The following DAB1 variants were observed in gnomAD, a reference collection of about 807,000 sequenced individuals.
DAB1 encodes disabled homolog 1.
In DAB1, 15 loss-of-function variants were observed where a neutral mutation model predicts 64.6. The observed-to-expected ratio is 0.23, with a 90% CI of 0.16 to 0.36. The LOEUF (loss-of-function observed/expected upper bound fraction) is 0.36. Ranked by LOEUF, DAB1 falls within the 10% of genes least tolerant of loss-of-function variation. The probability of loss-of-function intolerance (pLI) is 1.00; values close to 1 mark genes in which losing one functional copy is unlikely to be tolerated. For missense variants in DAB1, 596 were observed against 706.7 expected (o/e 0.84, Z 1.78); for synonymous variants, 235 against 251.9 (o/e 0.93, Z 0.64).
intron 2 of DAB1, among the ~76,000 whole-genome samples, chr1:57,200,526 C>T (rs927232724): frequency 2.1e-4 from 32 of 152,196 alleles, no homozygotes; most frequent in Non-Finnish European, 4.7e-4. Context: ...GAACCTGCTG[C>T]TTCCCATTCT....
intron 2 of DAB1, among the ~76,000 whole-genome samples, chr1:57,182,690 G>A (rs563405793): frequency 3.9e-5 from 6 of 152,280 alleles, no homozygotes; most frequent in South Asian, 2.1e-4. Flanking sequence ...CAGTCTCGGG[G>A]TAAGGAAAGG....
intron 3 of DAB1, among the ~76,000 whole-genome samples, chr1:58,436,635 G>T (rs1032009387): frequency 2.0e-5 from 3 of 152,110 alleles, no homozygotes; most frequent in Non-Finnish European, 4.4e-5. Flanking sequence ...CTCCTTTTGG[G>T]TAAAGGTTCA....
chr1:57,489,204 G>T (rs1644131106), intron 7 of DAB1, among the ~76,000 whole-genome samples: 1 of 152,166 alleles, frequency 6.6e-6, no homozygotes, highest in Non-Finnish European at 1.5e-5. Context: ...CAAGCTTTCA[G>T]ATCTGCACAG....
At chr1:57,445,536 AGT>A (rs1172104842) in intron 7 of DAB1, among the ~76,000 whole-genome samples, 1 of 152,202 alleles carries the variant, frequency 6.6e-6, no homozygotes, top group African/African-American at 2.4e-5. Flanking sequence ...TAAACTAGTT[AGT>A]GTGTGTAGGT....
In DAB1 at chr1:56,997,672, G is replaced by T; in HGVS notation, c.*472C>A. ...GGATGACGATATTGTGGTCACAGAA[G>T]ACCCTTTGCTTTTGCTTAAAGAAGT... On this transcript the variant is annotated 3_prime_UTR_variant, in exon 15 of 15. Coordinates refer to ENST00000371236, the MANE Select transcript of DAB1 (RefSeq NM_001365792.1). 1 of 152,146 alleles carries T rather than the reference G, an allele frequency of 6.6e-6. No individual in the cohort carries two copies. Among genetic ancestry groups the T allele is most frequent in the Non-Finnish European group, 1.5e-5 (1 of 68,030 alleles). The allele number at this position is 152,146 out of a possible 1,614,324, so 9.4% of individuals were successfully genotyped here. A position where few individuals can be genotyped will look rare whatever the true frequency, so the allele number is the denominator to read the frequency against.
chr1:57,279,145 G>GT (rs1217589532), intron 2 of DAB1, among the ~76,000 whole-genome samples: 1 of 152,090 alleles, frequency 6.6e-6, no homozygotes, highest in African/African-American at 2.4e-5. Flanking sequence ...TAGAAATGAT[G>GT]TTTTCCTTTA....
At chr1:57,747,981 A>G (rs1648367712) in intron 6 of DAB1, among the ~76,000 whole-genome samples, 1 of 152,108 alleles carries the variant, frequency 6.6e-6, no homozygotes, top group South Asian at 2.1e-4. Flanking sequence ...AGGACTTGGT[A>G]AAGCATGGTC....
chr1:57,092,091 A>G (rs993791209), intron 4 of DAB1, among the ~76,000 whole-genome samples: 3 of 152,210 alleles, frequency 2.0e-5, no homozygotes, highest in Admixed American at 2.0e-4. Flanking sequence ...CTAGAATAAG[A>G]AAGTGCAGCT....
At chr1:57,100,869 A>G (rs1654620228) in intron 4 of DAB1, among the ~76,000 whole-genome samples, 1 of 152,188 alleles carries the variant, frequency 6.6e-6, no homozygotes, top group Admixed American at 6.5e-5. Context: ...GAGGCAGGAG[A>G]GAAAAGCAGA....
chr1:57,603,217 C>T (rs1451005086), intron 7 of DAB1, among the ~76,000 whole-genome samples: 1 of 152,170 alleles, frequency 6.6e-6, no homozygotes, highest in Non-Finnish European at 1.5e-5. Context: ...AGGTGATCCG[C>T]CTGCCTCAGC....
rs1491558909 is a variant in DAB1, at chr1:58,071,407, G to GTGTGT, written n.387+79103_387+79104insACACA. 2.4e-3 allele frequency: 259 copies of GTGTGT among 106,188 alleles called. 1 individual carries two copies. Among genetic ancestry groups the GTGTGT allele is most frequent in the Non-Finnish European group, 3.1e-3 (164 of 52,336 alleles). The allele number at this position is 106,188 out of a possible 1,614,324, so 6.6% of individuals were successfully genotyped here. A position where few individuals can be genotyped will look rare whatever the true frequency, so the allele number is the denominator to read the frequency against. Reference sequence around the variant, plus strand: ...GTGTGTGTGTGTGTGTGTGTGTGTGGGTGGGGAGAGACTGAAGTTCCCGCT... The same window carrying GTGTGT: ...GTGTGTGTGTGTGTGTGTGTGTGTGGTGTGTGTGGGGAGAGACTGAAGTTCCCGCT... On this transcript the variant is annotated intron_variant and non_coding_transcript_variant, in intron 5 of 20. Coordinates refer to the DAB1 transcript ENST00000485760.
intron 1 of DAB1, among the ~76,000 whole-genome samples, chr1:57,338,352 G>A (rs1677275401): frequency 6.6e-6 from 1 of 152,052 alleles, no homozygotes. Flanking sequence ...GAAAGACAGA[G>A]TTTTCCCTGA....
intron 1 of DAB1, among the ~76,000 whole-genome samples, chr1:57,421,905 G>GGC (rs1684924169): frequency 1.0e-5 from 1 of 100,432 alleles, no homozygotes; most frequent in African/African-American, 4.0e-5. Context: ...GGGGTGGCGG[G>GGC]GGGGGGGGTG....
chr1:58,237,012 T>C (rs540796153), intron 4 of DAB1, among the ~76,000 whole-genome samples: 9 of 149,832 alleles, frequency 6.0e-5, no homozygotes, highest in South Asian at 4.3e-4. Flanking sequence ...TACTTCAATA[T>C]AGACCCCAAT....
At chr1:58,313,799 C>T (rs80110439) in intron 4 of DAB1, among the ~76,000 whole-genome samples, 1 of 149,210 alleles carries the variant, frequency 6.7e-6, no homozygotes, top group Non-Finnish European at 1.5e-5. Context: ...TACAGGTGGC[C>T]ATCCTCTCAT....
At chr1:58,472,497 A>C (rs892383045) in intron 3 of DAB1, among the ~76,000 whole-genome samples, 2 of 152,226 alleles carry the variant, frequency 1.3e-5, no homozygotes, top group African/African-American at 4.8e-5. Context: ...TGGGTAAAAG[A>C]GGGAGAAGCG....
chr1:57,391,802 C>CAT (rs1558296926), intron 1 of DAB1, among the ~76,000 whole-genome samples: 1 of 141,612 alleles, frequency 7.1e-6, no homozygotes, highest in Non-Finnish European at 1.6e-5. Flanking sequence ...CACACACACA[C>CAT]ACACACACAC....
chr1:58,506,092 G>A (rs868008506), exon 3 of DAB1: 17 of 871,498 alleles, frequency 2.0e-5, no homozygotes, highest in African/African-American at 3.3e-5. Context: ...TACTCAACTC[G>A]ATTGCCATGA....
intron 4 of DAB1, among the ~76,000 whole-genome samples, chr1:58,226,570 G>A (rs971727638): frequency 6.6e-6 from 1 of 152,110 alleles, no homozygotes; most frequent in Admixed American, 6.6e-5. Context: ...TCTCTCATCA[G>A]AGCAGCTGGA....
Sources: gnomAD v4.1 joint callset for allele counts (sites outside exome capture counted in the v4.1 genomes callset) on GRCh38, gnomAD v4.1.1 for gene constraint, MANE v1.5 for transcripts, NCBI Gene and HGNC (gene_info 2026-07-23, HGNC 2026-07-21) for gene names.